KCNQ3: variants seen among roughly 807,000 people sequenced by gnomAD.
The protein encoded by KCNQ3 is potassium voltage-gated channel subfamily KQT member 3.
In KCNQ3, 30 loss-of-function variants were observed where a neutral mutation model predicts 92.5. That is an observed-to-expected ratio of 0.32 (90% CI 0.24 to 0.44). The LOEUF (loss-of-function observed/expected upper bound fraction) is 0.44. KCNQ3 is among the 20% of genes least tolerant of loss of function. KCNQ3 has a pLI of 1.00. For missense variants in KCNQ3, 913 were observed against 1,140.3 expected (o/e 0.80, Z 2.87); for synonymous variants, 450 against 468.8 (o/e 0.96, Z 0.52).
chr8:132,253,279 C>G (rs1240096989), intron 1 of KCNQ3, among the ~76,000 whole-genome samples: 2 of 152,190 alleles, frequency 1.3e-5, no homozygotes, highest in African/African-American at 4.8e-5. Context: ...CTACTCCTGG[C>G]TCTACATCTA....
intron 1 of KCNQ3, among the ~76,000 whole-genome samples, chr8:132,450,892 A>C (rs1180107872): frequency 3.3e-5 from 5 of 152,234 alleles, no homozygotes; most frequent in Admixed American, 3.3e-4. Flanking sequence ...CTGAAAAAGG[A>C]CATCAAAGGA....
chr8:132,385,373 C>T (rs555800908), intron 1 of KCNQ3, among the ~76,000 whole-genome samples: 7 of 152,322 alleles, frequency 4.6e-5, no homozygotes, highest in South Asian at 2.1e-4. Flanking sequence ...GGGAGCCTAA[C>T]ATGCCAGCAA....
At chr8:132,138,388 T>C (rs1825175475) in intron 11 of KCNQ3, among the ~76,000 whole-genome samples, 1 of 152,188 alleles carries the variant, frequency 6.6e-6, no homozygotes, top group South Asian at 2.1e-4. Context: ...CCCAGGGCCA[T>C]ATAGCTAATA....
At chr8:132,422,328 C>T (rs1390507863) in intron 1 of KCNQ3, among the ~76,000 whole-genome samples, 1 of 152,314 alleles carries the variant, frequency 6.6e-6, no homozygotes, top group East Asian at 1.9e-4. Context: ...TCAAGTCCAG[C>T]CACCACCACC....
At chr8:132,370,915 C>T (rs1434305380) in intron 1 of KCNQ3, among the ~76,000 whole-genome samples, 1 of 152,186 alleles carries the variant, frequency 6.6e-6, no homozygotes, top group Non-Finnish European at 1.5e-5. Flanking sequence ...GATCAGGAAA[C>T]TGAGGCATAG....
chr8:132,299,322 T>C (rs1817145065), intron 1 of KCNQ3, among the ~76,000 whole-genome samples: 1 of 152,130 alleles, frequency 6.6e-6, no homozygotes, highest in Non-Finnish European at 1.5e-5. Context: ...CCAAAAATTG[T>C]TTCCCACACT....
rs140499802 is a variant in KCNQ3 at position 132,408,510 on chromosome 8, C to T, written c.386+71637G>A. ...CTAGGCAGACTTGTAAGATCTCCTC[C>T]CCTGGTGTGCATACCCTGTACAGCG... On this transcript the variant is annotated intron_variant, in intron 1 of 14. Transcript: ENST00000388996. 1.6e-3 allele frequency among the ~76,000 whole-genome samples: 248 copies of T among 152,272 alleles called. 2 individuals are homozygous for T. In the South Asian group the frequency reaches 0.021, roughly 13 times the overall value.
intron 1 of KCNQ3, among the ~76,000 whole-genome samples, chr8:132,281,260 A>T (rs929593592): frequency 3.9e-5 from 6 of 152,086 alleles, no homozygotes; most frequent in Admixed American, 1.3e-4. Context: ...TCCTGAAAAC[A>T]CAGTTAACTG....
At chr8:132,169,986 C>T (rs1383204499) in intron 8 of KCNQ3, among the ~76,000 whole-genome samples, 2 of 152,124 alleles carry the variant, frequency 1.3e-5, no homozygotes, top group Non-Finnish European at 2.9e-5. Flanking sequence ...AATTCTCCTG[C>T]CTCAGCCTCC....
Position 132,325,190 on chromosome 8 carries a change from A to G in KCNQ3, c.387-139009T>C, listed in dbSNP as rs554848221. On this transcript the variant is annotated intron_variant, in intron 1 of 14. Transcript: ENST00000388996. ...TGTGGATGGGGAAAGACAGTTAGTC[A>G]GTCAATAAAAGGAAAGAAAACCACC... 8.5e-5 allele frequency among the ~76,000 whole-genome samples: 13 copies of G among 152,212 alleles called. No homozygotes were observed. The East Asian group carries it at 2.3e-3, about 27-fold the overall frequency.
chr8:132,140,511 AAC>A (rs1344120749), intron 10 of KCNQ3: 1 of 338,196 alleles, frequency 3.0e-6, no homozygotes, highest in East Asian at 6.7e-5. Flanking sequence ...GCCAGCAAAC[AAC>A]ACACACTGTG....
intron 1 of KCNQ3, among the ~76,000 whole-genome samples, chr8:132,343,848 ATGAAGGGCGTATCTG>A (rs1414866451): frequency 3.3e-5 from 5 of 152,164 alleles, no homozygotes; most frequent in Non-Finnish European, 7.3e-5. Context: ...CCACCCTGAA[ATGAAGGGCGTATCTG>A]TGCCAAATCT....
intron 14 of KCNQ3, 80 bp downstream of exon 14, chr8:132,132,100 G>T: frequency 4.1e-6 from 4 of 977,206 alleles, no homozygotes; most frequent in Non-Finnish European, 6.4e-6. Flanking sequence ...AAAAAAAAAA[G>T]AAAGAAAGAA....
At chr8:132,371,224 C>G (rs1378026316) in intron 1 of KCNQ3, among the ~76,000 whole-genome samples, 3 of 152,220 alleles carry the variant, frequency 2.0e-5, no homozygotes, top group Admixed American at 6.5e-5. Flanking sequence ...TTATCTCCCT[C>G]AGTGGGACAT....
At chr8:132,468,550 G>A (rs1419002456) in intron 1 of KCNQ3, among the ~76,000 whole-genome samples, 1 of 152,246 alleles carries the variant, frequency 6.6e-6, no homozygotes, top group Non-Finnish European at 1.5e-5. Context: ...TTGCAAGCAG[G>A]CACCTGCTGT....
At chr8:132,441,413 G>A (rs1171306771) in intron 1 of KCNQ3, among the ~76,000 whole-genome samples, 1 of 152,066 alleles carries the variant, frequency 6.6e-6, no homozygotes, top group African/African-American at 2.4e-5. Context: ...AATTAGCCAG[G>A]CGCGGTGGCA....
chr8:132,399,283 G>A (rs750653577), intron 1 of KCNQ3, among the ~76,000 whole-genome samples: 3 of 152,180 alleles, frequency 2.0e-5, no homozygotes, highest in Non-Finnish European at 4.4e-5. Context: ...AGCTTTTGGG[G>A]AGTATTTTTT....
rs373527857 is a variant in KCNQ3, at chr8:132,327,844, C to T, written c.387-141663G>A. 1.4e-4 allele frequency among the ~76,000 whole-genome samples: 22 copies of T among 152,226 alleles called. No individual in the cohort carries two copies. The East Asian group carries it at 4.1e-3, about 28-fold the overall frequency. On this transcript the variant is annotated intron_variant, in intron 1 of 14. Transcript: ENST00000388996. ...CACAGCAGGCATGTGCATGAAGCCCCCCATGGTGTGGGAAGGGAAGGGGCA... is the reference window on the plus strand; with the variant it reads ...CACAGCAGGCATGTGCATGAAGCCCTCCATGGTGTGGGAAGGGAAGGGGCA...
In KCNQ3 at chr8:132,128,967, T is replaced by C; in HGVS notation, c.*295A>G. On this transcript the variant is annotated 3_prime_UTR_variant, in exon 15 of 15. Coordinates refer to ENST00000388996, the MANE Select transcript of KCNQ3 (RefSeq NM_004519.4). ...GCTCATCAGTAATTTCTCCCTGTAC[T>C]GGTCCAATCGTGATTAAAAGTAAGA... 2.2e-6 allele frequency: 1 copy of C among 444,506 alleles called. No homozygotes were observed. The highest frequency in any genetic ancestry group is 2.7e-5 in the South Asian group (1 of 36,976). 27.5% of individuals were successfully genotyped at this position (444,506 alleles called of 1,614,324 possible).
Sources: gnomAD v4.1 joint callset for allele counts (sites outside exome capture counted in the v4.1 genomes callset) on GRCh38, gnomAD v4.1.1 for gene constraint, MANE v1.5 for transcripts, NCBI Gene and HGNC (gene_info 2026-07-23, HGNC 2026-07-21) for gene names.